Variants in PCDHA1 observed in about 807,000 individuals in gnomAD.
PCDHA1 encodes protocadherin alpha-1.
In PCDHA1, 42 loss-of-function variants were observed where a neutral mutation model predicts 61.3. The ratio of observed to expected loss-of-function variants is 0.69; its 90% confidence interval spans 0.54 to 0.89. The LOEUF (loss-of-function observed/expected upper bound fraction) is 0.89, where lower values mean the gene tolerates loss of function less well. Among genes scored for constraint, PCDHA1 ranks in the 40% least tolerant of loss-of-function variants. The pLI is 0.00. For missense variants in PCDHA1, 1,256 were observed against 1,235.3 expected (o/e 1.02, Z -0.25); for synonymous variants, 610 against 553.8 (o/e 1.10, Z -1.43).
chr5:140,988,495 G>GT (rs2097300130), intron 3 of PCDHA1, among the ~76,000 whole-genome samples: 1 of 152,158 alleles, frequency 6.6e-6, no homozygotes, highest in Non-Finnish European at 1.5e-5. Context: ...CTACCTAGGA[G>GT]AAGCCATGAA....
At chr5:140,830,047 A>AGAC in intron 1 of PCDHA1, 1 of 1,613,730 alleles carries the variant, frequency 6.2e-7, no homozygotes, top group Non-Finnish European at 8.5e-7. Context: ...TGCTGGTGAA[A>AGAC]GACCACGGTG....
At chr5:140,820,061 G>C (rs1163910320) in intron 1 of PCDHA1, among the ~76,000 whole-genome samples, 1 of 151,854 alleles carries the variant, frequency 6.6e-6, no homozygotes, top group African/African-American at 2.4e-5. Flanking sequence ...ATAGAAAGTG[G>C]CTAACATCAG....
At chr5:140,813,683 A>G (rs1231151598) in intron 1 of PCDHA1, 1 of 152,322 alleles carries the variant, frequency 6.6e-6, no homozygotes, top group South Asian at 2.1e-4. Context: ...TTTAGGCTAC[A>G]CTCAATTTAT....
chr5:140,986,587 C>G (rs1194407522), intron 3 of PCDHA1, among the ~76,000 whole-genome samples: 1 of 152,208 alleles, frequency 6.6e-6, no homozygotes, highest in East Asian at 1.9e-4. Flanking sequence ...TCCAGCTCCT[C>G]TTTCTACATT....
chr5:140,788,376 G>C lies in PCDHA1; in HGVS notation c.2086G>C (p.Val696Leu). The change falls in exon 1 of 4, where the codon GTC becomes CTC. Residue 696 changes from valine (V) to leucine (L), a missense_variant. Coordinates refer to ENST00000504120, the MANE Select transcript of PCDHA1 (RefSeq NM_018900.4). ...VAGPEAALVD[V>L]NVYLIIAICA... ...GGGCCCAGAGGCGGCGCTGGTGGATGTCAACGTGTACCTGATCATCGCCAT... is the reference window on the plus strand; with the variant it reads ...GGGCCCAGAGGCGGCGCTGGTGGATCTCAACGTGTACCTGATCATCGCCAT... 1.2e-6 allele frequency: 2 copies of C among 1,614,046 alleles called. No individual in the cohort carries two copies. The highest frequency in any genetic ancestry group is 1.7e-6 in the Non-Finnish European group (2 of 1,179,972).
intron 1 of PCDHA1, chr5:140,857,987 C>T: frequency 6.3e-7 from 1 of 1,596,876 alleles, no homozygotes; most frequent in Admixed American, 1.7e-5. Context: ...CCAGCGCCTA[C>T]TGGTGCTGGT....
chr5:140,871,072 G>T, intron 1 of PCDHA1: 1 of 1,613,238 alleles, frequency 6.2e-7, no homozygotes, highest in South Asian at 1.1e-5. Context: ...CGGTGAGCCG[G>T]CGCTGACGGC....
intron 1 of PCDHA1, among the ~76,000 whole-genome samples, chr5:140,913,163 T>C (rs1248646454): frequency 1.3e-5 from 2 of 152,198 alleles, no homozygotes; most frequent in African/African-American, 4.8e-5. Context: ...AGGATTGGTA[T>C]TAGTTCTTCT....
intron 1 of PCDHA1, chr5:140,821,966 G>T (rs1280808656): frequency 6.2e-7 from 1 of 1,614,052 alleles, no homozygotes; most frequent in African/African-American, 1.3e-5. Flanking sequence ...CGCCTGTTCC[G>T]GGTGGCGTCC....
chr5:140,878,006 C>T (rs251378), intron 1 of PCDHA1: 602,670 of 913,772 alleles, frequency 0.66, 200,442 homozygotes, highest in African/African-American at 0.71. Flanking sequence ...ATTTGTCTAA[C>T]ATTAATGAAG....
At chr5:140,941,219 C>CTTTCTTTCTT (rs1563186292) in intron 1 of PCDHA1, among the ~76,000 whole-genome samples, 18 of 125,974 alleles carry the variant, frequency 1.4e-4, no homozygotes, top group African/African-American at 4.5e-4. Context: ...TTCTTCCTTT[C>CTTTCTTTCTT]TTTCTTTCTT....
chr5:140,806,566 A>G (rs1416834474), intron 1 of PCDHA1, among the ~76,000 whole-genome samples: 1 of 152,202 alleles, frequency 6.6e-6, no homozygotes, highest in African/African-American at 2.4e-5. Context: ...TTCCCTGTCA[A>G]TAGCTTGTTC....
intron 1 of PCDHA1, among the ~76,000 whole-genome samples, chr5:140,938,013 A>G (rs1310661606): frequency 6.6e-6 from 1 of 152,220 alleles, no homozygotes; most frequent in Non-Finnish European, 1.5e-5. Flanking sequence ...TTCTTGCTAA[A>G]TAGTAAAATC....
chr5:140,830,597 T>A (rs1331497388), intron 1 of PCDHA1: 2 of 693,358 alleles, frequency 2.9e-6, no homozygotes, highest in Non-Finnish European at 4.3e-6. Flanking sequence ...TTTACAAAAT[T>A]ACATATTTTC....
chr5:140,876,657 C>T (rs782518264), intron 1 of PCDHA1: 3 of 1,614,228 alleles, frequency 1.9e-6, no homozygotes, highest in East Asian at 4.5e-5. Flanking sequence ...ATGTTCCCTT[C>T]AAGCTGGTGT....
chr5:140,996,814 G>T (rs1186688734), intron 3 of PCDHA1, among the ~76,000 whole-genome samples: 1 of 152,144 alleles, frequency 6.6e-6, no homozygotes, highest in African/African-American at 2.4e-5. Flanking sequence ...CTTTCCAAAA[G>T]TAACCACTAC....
Position 140,858,344 on chromosome 5 carries a change from G to A in PCDHA1, c.2394+69660G>A, listed in dbSNP as rs371621182. 1.0e-5 allele frequency: 16 copies of A among 1,595,144 alleles called. No homozygotes were observed. In the East Asian group the frequency reaches 3.6e-4, roughly 36 times the overall value. On this transcript the variant is annotated intron_variant, in intron 1 of 3. Coordinates refer to ENST00000504120, the MANE Select transcript of PCDHA1 (RefSeq NM_018900.4). Reference sequence around the variant, plus strand: ...TTCTGGGGAGGGCCTGCCCAAGGCGGACCTCATGGCCTTCAGCCCCAGCCT... The same window carrying A: ...TTCTGGGGAGGGCCTGCCCAAGGCGAACCTCATGGCCTTCAGCCCCAGCCT...
intron 1 of PCDHA1, chr5:140,808,534 C>T (rs782551225): frequency 2.3e-5 from 37 of 1,614,028 alleles, no homozygotes; most frequent in Non-Finnish European, 3.1e-5. Context: ...CTGATGTGAA[C>T]GACAACGCTC....
intron 3 of PCDHA1, 102 bp downstream of exon 3, chr5:140,982,665 A>G (rs1318068299): frequency 2.0e-6 from 3 of 1,465,204 alleles, no homozygotes; most frequent in Middle Eastern, 2.1e-4. Context: ...TTTCTTTTAT[A>G]TTTTTGTTAT....
Sources: allele counts gnomAD v4.1 joint callset (sites outside exome capture counted in the v4.1 genomes callset), GRCh38; gene constraint gnomAD v4.1.1; transcripts MANE v1.5; gene names NCBI Gene and HGNC (gene_info 2026-07-23, HGNC 2026-07-21).